Variants in SEC14L2 observed in about 807,000 individuals in gnomAD.
SEC14L2 encodes SEC14 like lipid binding 2, also known as SEC14-like protein 2.
Under a neutral mutation model 56.9 loss-of-function variants are expected in SEC14L2, and 50 were observed. That is an observed-to-expected ratio of 0.88 (90% CI 0.70 to 1.11). SEC14L2 has a LOEUF of 1.11. Among genes scored for constraint, SEC14L2 ranks in the 50% most tolerant of loss-of-function variants. SEC14L2 has a pLI of 0.00. For missense variants in SEC14L2, 414 were observed against 500.7 expected (o/e 0.83, Z 1.65); for synonymous variants, 179 against 188.5 (o/e 0.95, Z 0.41).
chr22:30,412,691 G>A (rs1601781961), intron 8 of SEC14L2, among the ~76,000 whole-genome samples: 1 of 151,760 alleles, frequency 6.6e-6, no homozygotes, highest in South Asian at 2.1e-4. Context: ...AGGTTTGGTG[G>A]TGTGTGCCTG....
chr22:30,410,731 C>G, intron 8 of SEC14L2, 52 bp downstream of exon 8: 1 of 1,549,094 alleles, frequency 6.5e-7, no homozygotes, highest in Non-Finnish European at 8.9e-7. Context: ...TAGCCTAAAT[C>G]GGGTCCAGCT....
chr22:30,407,256 C>A, intron 4 of SEC14L2, 102 bp downstream of exon 4: 1 of 1,486,382 alleles, frequency 6.7e-7, no homozygotes, highest in South Asian at 1.2e-5. Flanking sequence ...AAAGGTCTGA[C>A]AATGCCCACT....
At chr22:30,406,299 T>A in intron 2 of SEC14L2, 43 bp from the exon 3 acceptor site, 5 of 1,608,746 alleles carry the variant, frequency 3.1e-6, no homozygotes, top group Non-Finnish European at 4.3e-6. Flanking sequence ...GGACACCCAG[T>A]CCTGCTAACC....
At chr22:30,398,767 G>A in intron 1 of SEC14L2, 1 of 471,194 alleles carries the variant, frequency 2.1e-6, no homozygotes, top group South Asian at 1.5e-5. Context: ...CCTTCCATGG[G>A]GCAGAAGACC....
Position 30,425,070 on chromosome 22 carries a change from C to T in SEC14L2, c.*2663C>T. On this transcript the variant is annotated 3_prime_UTR_variant, in exon 12 of 12. Transcript: ENST00000615189. ...TTCACTCCTCTAGCCTCATTTAGAG[C>T]TCGCATTAAGAGCACGGGATCTGGA... 3 of 271,784 alleles carry T rather than the reference C, an allele frequency of 1.1e-5. No homozygotes were observed. The highest frequency in any genetic ancestry group is 3.2e-5 in the South Asian group (1 of 31,168). 16.8% of individuals were successfully genotyped at this position (271,784 alleles called of 1,614,324 possible). A position where few individuals can be genotyped will look rare whatever the true frequency, so the allele number is the denominator to read the frequency against.
At chr22:30,414,621 G>T (rs560244896) in intron 8 of SEC14L2, among the ~76,000 whole-genome samples, 23 of 152,260 alleles carry the variant, frequency 1.5e-4, no homozygotes, top group African/African-American at 5.5e-4. Context: ...GCCTATATAT[G>T]CTCTATATAG....
At chr22:30,413,832 C>A (rs1338845593) in intron 8 of SEC14L2, among the ~76,000 whole-genome samples, 1 of 151,020 alleles carries the variant, frequency 6.6e-6, no homozygotes, top group African/African-American at 2.4e-5. Flanking sequence ...AAATTTAGGT[C>A]CCCACAAAAG....
intron 2 of SEC14L2, among the ~76,000 whole-genome samples, chr22:30,404,009 C>CAAAAAAAAAAAAA (rs67366822): frequency 2.3e-4 from 21 of 93,214 alleles, no homozygotes; most frequent in Admixed American, 4.0e-4. Flanking sequence ...GACTCCGTCT[C>CAAAAAAAAAAAAA]AAAAAAAAAA....
At chr22:30,414,647 T>G (rs1487974502) in intron 8 of SEC14L2, among the ~76,000 whole-genome samples, 1 of 152,054 alleles carries the variant, frequency 6.6e-6, no homozygotes, top group East Asian at 1.9e-4. Flanking sequence ...ATAGGCAGGT[T>G]TTAGTATCAA....
intron 11 of SEC14L2, among the ~76,000 whole-genome samples, chr22:30,417,473 C>T (rs530202444): frequency 3.3e-5 from 5 of 152,292 alleles, no homozygotes; most frequent in East Asian, 3.9e-4. Context: ...AAGGCTTTAT[C>T]ATCAGAGCTG....
intron 10 of SEC14L2, 41 bp from the exon 11 acceptor site, chr22:30,416,193 C>T (rs751699399): frequency 2.5e-6 from 4 of 1,609,900 alleles, no homozygotes; most frequent in Admixed American, 3.3e-5. Flanking sequence ...AGAGGGCACA[C>T]ACAGACAGAA....
chr22:30,416,761 C>A (rs1190190799), intron 11 of SEC14L2: 5 of 1,281,966 alleles, frequency 3.9e-6, no homozygotes, highest in Non-Finnish European at 5.0e-6. Context: ...AGAGACAGAA[C>A]TGGCTGGGTG....
chr22:30,403,704 T>G (rs1040371787), intron 2 of SEC14L2, among the ~76,000 whole-genome samples: 2 of 152,156 alleles, frequency 1.3e-5, no homozygotes, highest in Non-Finnish European at 2.9e-5. Context: ...TCCTGTTCCC[T>G]AAGAAGATAA....
At chr22:30,414,844 G>T (rs1934345345) in intron 8 of SEC14L2, among the ~76,000 whole-genome samples, 1 of 152,104 alleles carries the variant, frequency 6.6e-6, no homozygotes, top group Non-Finnish European at 1.5e-5. Context: ...GGTGGCTGGG[G>T]TAAAGCCAAG....
chr22:30,416,697 C>G, intron 11 of SEC14L2: 1 of 1,406,508 alleles, frequency 7.1e-7, no homozygotes, highest in Non-Finnish European at 9.2e-7. Context: ...CCAGGTCTAA[C>G]TGGGTCTGTG....
chr22:30,413,109 A>T (rs533886705), intron 8 of SEC14L2, among the ~76,000 whole-genome samples: 1 of 152,314 alleles, frequency 6.6e-6, no homozygotes, highest in African/African-American at 2.4e-5. Context: ...GGAGTTATCA[A>T]ATAACAGCAG....
At chr22:30,410,855 CTCTT>C (rs1261569014) in intron 8 of SEC14L2, among the ~76,000 whole-genome samples, 176 bp downstream of exon 8, 3 of 152,234 alleles carry the variant, frequency 2.0e-5, no homozygotes, top group African/African-American at 7.2e-5. Context: ...TTCCTAAGAA[CTCTT>C]TCTCTCAGAC....
intron 11 of SEC14L2, among the ~76,000 whole-genome samples, chr22:30,420,101 G>T (rs543916328): frequency 6.6e-5 from 10 of 152,142 alleles, no homozygotes; most frequent in Admixed American, 6.5e-5. Context: ...TTACAGGCAT[G>T]GGCCACCACG....
Position 30,424,641 on chromosome 22 carries a change from A to G in SEC14L2, c.*2234A>G, listed in dbSNP as rs757845413. ...GCTTGGTATAAGTAAGTGCTCGTCA[A>G]TGTTGGCTACTCTCATTTTTTTTGC... On this transcript the variant is annotated 3_prime_UTR_variant, in exon 12 of 12. Transcript: ENST00000615189. 1.1e-5 allele frequency: 5 copies of G among 453,318 alleles called. No individual in the cohort carries two copies. The highest frequency in any genetic ancestry group is 1.8e-5 in the Non-Finnish European group (4 of 225,752). The allele number at this position is 453,318 out of a possible 1,614,324, so 28.1% of individuals were successfully genotyped here.
Sources: allele counts gnomAD v4.1 joint callset (sites outside exome capture counted in the v4.1 genomes callset), GRCh38; gene constraint gnomAD v4.1.1; transcripts MANE v1.5; gene names NCBI Gene and HGNC (gene_info 2026-07-23, HGNC 2026-07-21).